NHEJ1: variants seen among roughly 807,000 people sequenced by gnomAD.
The protein encoded by NHEJ1 is non-homologous end-joining factor 1.
A neutral mutation model predicts 39.4 loss-of-function variants in NHEJ1; 22 were observed. That is an observed-to-expected ratio of 0.56 (90% CI 0.40 to 0.80). The LOEUF (loss-of-function observed/expected upper bound fraction) is 0.80. NHEJ1 is among the 30% of genes least tolerant of loss of function. The pLI is 0.00. For missense variants in NHEJ1, 329 were observed against 357.1 expected (o/e 0.92, Z 0.63); for synonymous variants, 154 against 135.6 (o/e 1.14, Z -0.94).
chr2:219,128,135 G>C (rs1949542054), intron 5 of NHEJ1, among the ~76,000 whole-genome samples: 1 of 152,220 alleles, frequency 6.6e-6, no homozygotes, highest in African/African-American at 2.4e-5. Context: ...CAGCAAACTG[G>C]TGAGTGCTGG....
chr2:219,089,386 A>G (rs967349368), intron 5 of NHEJ1, among the ~76,000 whole-genome samples: 4 of 152,240 alleles, frequency 2.6e-5, no homozygotes, highest in African/African-American at 4.8e-5. Context: ...ATATCTGTAC[A>G]ATGGTATATT....
intron 5 of NHEJ1, among the ~76,000 whole-genome samples, chr2:219,137,855 T>C (rs1021740737): frequency 1.3e-5 from 2 of 152,184 alleles, no homozygotes; most frequent in African/African-American, 4.8e-5. Context: ...ACTCCACTAC[T>C]ATGGCCCTTA....
At chr2:219,134,511 C>T (rs1050109422) in intron 5 of NHEJ1, among the ~76,000 whole-genome samples, 16 of 152,206 alleles carry the variant, frequency 1.1e-4, no homozygotes, top group Non-Finnish European at 1.6e-4. Flanking sequence ...CCATCACTGG[C>T]TATTACTCCT....
intron 5 of NHEJ1, among the ~76,000 whole-genome samples, chr2:219,116,784 C>T (rs1467101321): frequency 1.3e-5 from 2 of 152,124 alleles, no homozygotes; most frequent in African/African-American, 4.8e-5. Flanking sequence ...AGGAAAGGAT[C>T]AGCTGGTTCC....
At chr2:219,139,114 G>A (rs1202442099) in intron 5 of NHEJ1, among the ~76,000 whole-genome samples, 1 of 151,818 alleles carries the variant, frequency 6.6e-6, no homozygotes, top group East Asian at 1.9e-4. Context: ...TTGAGACAGA[G>A]TCTCATTCTG....
chr2:219,099,448 G>A (rs1949236234), intron 5 of NHEJ1, among the ~76,000 whole-genome samples: 1 of 152,222 alleles, frequency 6.6e-6, no homozygotes, highest in Admixed American at 6.5e-5. Flanking sequence ...GTCACTGAAT[G>A]AGATAGGGCA....
Position 219,069,774 on chromosome 2 carries a change from G to A in NHEJ1, c.*6607C>T, listed in dbSNP as rs1030089766. ...TCCCCACGGGAAGCTCCAGAGAATG[G>A]GCTATATTGCTGACCAGGAAGGGAG... On this transcript the variant is annotated 3_prime_UTR_variant, in exon 8 of 8. Transcript: ENST00000356853. 3 of 152,202 alleles carry A rather than the reference G, an allele frequency of 2.0e-5. No individual in the cohort carries two copies. The highest frequency in any genetic ancestry group is 7.2e-5 in the African/African-American group (3 of 41,434). The allele number at this position is 152,202 out of a possible 1,614,324, so 9.4% of individuals were successfully genotyped here.
chr2:219,081,120 C>G (rs1313543375), intron 5 of NHEJ1, among the ~76,000 whole-genome samples: 1 of 152,184 alleles, frequency 6.6e-6, no homozygotes, highest in Admixed American at 6.5e-5. Flanking sequence ...AAAAAGGAGA[C>G]AGGTGGACCA....
chr2:219,089,367 A>C (rs1021692604), intron 5 of NHEJ1, among the ~76,000 whole-genome samples: 1 of 152,240 alleles, frequency 6.6e-6, no homozygotes, highest in Non-Finnish European at 1.5e-5. Context: ...TGGATAAACA[A>C]AATGTGGTAT....
In NHEJ1 at chr2:219,070,800, G is replaced by A. The variant is rs570281983; in HGVS notation, c.*5581C>T. On this transcript the variant is annotated 3_prime_UTR_variant, in exon 8 of 8. Coordinates refer to ENST00000356853, the MANE Select transcript of NHEJ1 (RefSeq NM_024782.3). ...CCTGCCAGATTTAATTCACACCTAT[G>A]AAAGAGGGCAACACAACAGACATTA... Among the ~76,000 whole-genome samples the A allele has an allele frequency of 8.5e-5, 13 of 152,082 alleles. No homozygotes were observed. The East Asian group carries it at 2.3e-3, about 27-fold the overall frequency.
At chr2:219,134,463 C>A (rs1269506026) in intron 5 of NHEJ1, among the ~76,000 whole-genome samples, 1 of 152,192 alleles carries the variant, frequency 6.6e-6, no homozygotes, top group East Asian at 1.9e-4. Context: ...CTTGGCTAAT[C>A]TACTATGCTA....
At chr2:219,137,570 CAAAA>C (rs58279021) in intron 5 of NHEJ1, among the ~76,000 whole-genome samples, 351 of 34,750 alleles carry the variant, frequency 0.01, 6 homozygotes, top group Non-Finnish European at 0.018. Flanking sequence ...GTGTTACAGG[CAAAA>C]AAAAAAAAAA....
At chr2:219,091,208 T>C (rs1949157257) in intron 5 of NHEJ1, among the ~76,000 whole-genome samples, 1 of 152,074 alleles carries the variant, frequency 6.6e-6, no homozygotes, top group Admixed American at 6.5e-5. Flanking sequence ...CCCAGTTAGA[T>C]AGGAGCCTTT....
At chr2:219,084,007 CT>C (rs558515060) in intron 5 of NHEJ1, among the ~76,000 whole-genome samples, 6,306 of 133,224 alleles carry the variant, frequency 0.047, 357 homozygotes, top group African/African-American at 0.15. Context: ...TCTTTCTTTG[CT>C]TTTTTTTTTT....
intron 5 of NHEJ1, among the ~76,000 whole-genome samples, chr2:219,118,799 G>A (rs995859354): frequency 2.0e-5 from 3 of 152,206 alleles, no homozygotes; most frequent in Non-Finnish European, 4.4e-5. Flanking sequence ...ACAGCCCGGC[G>A]GGCTTATGAA....
intron 5 of NHEJ1, among the ~76,000 whole-genome samples, chr2:219,096,509 A>G (rs995198924): frequency 1.3e-5 from 2 of 151,808 alleles, no homozygotes; most frequent in Non-Finnish European, 2.9e-5. Context: ...GTCAAACACC[A>G]TCAATATTAC....
chr2:219,098,076 AG>A (rs1949225127), intron 5 of NHEJ1, among the ~76,000 whole-genome samples: 2 of 152,256 alleles, frequency 1.3e-5, no homozygotes, highest in Non-Finnish European at 2.9e-5. Flanking sequence ...TGACCAAATA[AG>A]ATGAGAGATG....
chr2:219,123,736 C>T (rs1336697710), intron 5 of NHEJ1, among the ~76,000 whole-genome samples: 1 of 152,016 alleles, frequency 6.6e-6, no homozygotes, highest in Non-Finnish European at 1.5e-5. Context: ...GGCCTTCACC[C>T]CTTAGCTCTG....
intron 5 of NHEJ1, among the ~76,000 whole-genome samples, chr2:219,086,735 T>C (rs778239278): frequency 6.0e-5 from 9 of 151,002 alleles, no homozygotes; most frequent in Non-Finnish European, 1.2e-4. Flanking sequence ...GGAGTGGAAG[T>C]GAAGGTGGGG....
Sources: gnomAD v4.1 joint callset for allele counts (sites outside exome capture counted in the v4.1 genomes callset) on GRCh38, gnomAD v4.1.1 for gene constraint, MANE v1.5 for transcripts, NCBI Gene and HGNC (gene_info 2026-07-23, HGNC 2026-07-21) for gene names.